TUSC3: variants seen among roughly 807,000 people sequenced by gnomAD.
The protein encoded by TUSC3 is tumor suppressor candidate 3, also known as dolichyl-diphosphooligosaccharide--protein glycosyltransferase subunit TUSC3.
In TUSC3, 45 loss-of-function variants were observed where a neutral mutation model predicts 44.8. The ratio of observed to expected loss-of-function variants is 1.00; its 90% CI spans 0.79 to 1.29. The LOEUF is 1.29. Among genes scored for constraint, TUSC3 ranks in the 50% most tolerant of loss-of-function variants. The pLI is 0.00. For missense variants in TUSC3, 519 were observed against 437.9 expected, an observed-to-expected ratio of 1.19 and a Z score of -1.65; for synonymous variants, 212 against 152.9, an observed-to-expected ratio of 1.39 and a Z score of -2.85.
At chr8:15,648,581 C>G (rs34501727) in intron 2 of TUSC3, among the ~76,000 whole-genome samples, 1 of 151,654 alleles carries the variant, frequency 6.6e-6, no homozygotes, top group East Asian at 1.9e-4. Context: ...AAAAAATTAT[C>G]TGGGCGAGGT....
At chr8:15,459,799 T>A (rs956914895) in intron 1 of TUSC3, among the ~76,000 whole-genome samples, 3 of 152,110 alleles carry the variant, frequency 2.0e-5, no homozygotes, top group African/African-American at 4.8e-5. Context: ...GTGCCATTAA[T>A]TCATTCCCTT....
intron 6 of TUSC3, among the ~76,000 whole-genome samples, chr8:15,698,970 C>T (rs1809284565): frequency 1.3e-5 from 2 of 151,916 alleles, no homozygotes. Flanking sequence ...CCTCAGCCTC[C>T]TTAGTAGCTG....
At chr8:15,540,161 G>C (rs1479546874), upstream of TUSC3, 1 of 420,430 alleles carries the variant, frequency 2.4e-6, no homozygotes, top group Non-Finnish European at 4.1e-6. Flanking sequence ...CCGGGCGGGA[G>C]CGCACGCCGC....
At chr8:15,440,650 C>G (rs1382007791) in intron 1 of TUSC3, among the ~76,000 whole-genome samples, 2 of 152,092 alleles carry the variant, frequency 1.3e-5, no homozygotes, top group East Asian at 3.9e-4. Flanking sequence ...CATTTTTCCT[C>G]TATTTTAAAC....
chr8:15,647,128 T>C (rs2129174157), intron 2 of TUSC3, among the ~76,000 whole-genome samples: 1 of 152,256 alleles, frequency 6.6e-6, no homozygotes, highest in East Asian at 1.9e-4. Flanking sequence ...ACTGTAACCA[T>C]AATTATTACA....
chr8:15,578,605 G>T (rs1243742231), intron 1 of TUSC3, among the ~76,000 whole-genome samples: 3 of 148,764 alleles, frequency 2.0e-5, no homozygotes, highest in Non-Finnish European at 4.5e-5. Context: ...CTGTTTATAT[G>T]CTGGATTACA....
At chr8:15,839,122 T>C in the TUSC3 span, among the ~76,000 whole-genome samples, 1 of 152,156 alleles carries the variant, frequency 6.6e-6, no homozygotes, top group Non-Finnish European at 1.5e-5. Flanking sequence ...TTGAAGCAAT[T>C]GTGAATGGGA....
intron 2 of TUSC3, among the ~76,000 whole-genome samples, chr8:15,640,093 A>C (rs1806296178): frequency 6.6e-6 from 1 of 152,110 alleles, no homozygotes; most frequent in African/African-American, 2.4e-5. Flanking sequence ...AGGGTGGTTC[A>C]CTGTCCCTGA....
At chr8:15,688,740 A>T (rs1379925750) in intron 6 of TUSC3, among the ~76,000 whole-genome samples, 1 of 152,088 alleles carries the variant, frequency 6.6e-6, no homozygotes, top group Non-Finnish European at 1.5e-5. Flanking sequence ...TCCTCTCTGT[A>T]TGCCAGGGAG....
chr8:15,548,793 C>T (rs953001884), intron 1 of TUSC3, among the ~76,000 whole-genome samples: 1 of 151,834 alleles, frequency 6.6e-6, no homozygotes, highest in Non-Finnish European at 1.5e-5. Context: ...AATTCTCCTT[C>T]TACCCTATGT....
At chr8:15,429,925 A>C (rs1410968202) in intron 1 of TUSC3, among the ~76,000 whole-genome samples, 2 of 151,704 alleles carry the variant, frequency 1.3e-5, no homozygotes, top group African/African-American at 4.9e-5. Flanking sequence ...CCCAAGACTA[A>C]ACCAGGAAGA....
intron 1 of TUSC3, among the ~76,000 whole-genome samples, chr8:15,481,909 T>C (rs1404801785): frequency 6.6e-6 from 1 of 152,188 alleles, no homozygotes; most frequent in Non-Finnish European, 1.5e-5. Context: ...TTTGCTCCAT[T>C]GATTGACTCT....
At chr8:15,518,192 T>C (rs1801248038) in intron 2 of TUSC3, among the ~76,000 whole-genome samples, 1 of 152,164 alleles carries the variant, frequency 6.6e-6, no homozygotes, top group Non-Finnish European at 1.5e-5. Flanking sequence ...GAAATCCTCC[T>C]TTCTAGTTTT....
intron 1 of TUSC3, among the ~76,000 whole-genome samples, chr8:15,608,045 A>G (rs1804609739): frequency 6.6e-6 from 1 of 152,198 alleles, no homozygotes; most frequent in Non-Finnish European, 1.5e-5. Context: ...GAATGTCTAT[A>G]ACAATAAATG....
At chr8:15,474,732 A>G (rs1167657161) in intron 1 of TUSC3, among the ~76,000 whole-genome samples, 1 of 152,228 alleles carries the variant, frequency 6.6e-6, no homozygotes. Flanking sequence ...GTCCAAAGAA[A>G]TAAAAGAATA....
intron 1 of TUSC3, among the ~76,000 whole-genome samples, chr8:15,570,726 G>A (rs1802840112): frequency 6.6e-6 from 1 of 151,838 alleles, no homozygotes. Flanking sequence ...CTGGAATCAT[G>A]CAACTTGTAA....
Position 15,540,479 on chromosome 8 carries a change from C to T in TUSC3, c.49C>T (p.Leu17=). Reference sequence around the variant, plus strand: ...ACGCCGTAGGCAAGCGGGGCGGCGGCTGCGGTACCTGCCCACCGGGAGCTT... The same window carrying T: ...ACGCCGTAGGCAAGCGGGGCGGCGGTTGCGGTACCTGCCCACCGGGAGCTT... The part of the protein sequence containing the change: ...PSRRRQAGRR[L]RYLPTGSFPF... The change falls in exon 1 of 11, where the codon CTG becomes TTG. Residue 17 remains leucine (L), a synonymous_variant. Transcript: ENST00000503731. The T allele has an allele frequency of 6.2e-7, 1 of 1,607,962 alleles. No individual in the cohort carries two copies. Among genetic ancestry groups the T allele is most frequent in the Non-Finnish European group, 8.5e-7 (1 of 1,177,942 alleles).
intron 1 of TUSC3, among the ~76,000 whole-genome samples, chr8:15,418,589 A>C (rs953571603): frequency 2.6e-5 from 4 of 152,254 alleles, no homozygotes; most frequent in Admixed American, 6.5e-5. Flanking sequence ...AATCGGCAGC[A>C]AAAGACAAGG....
At chr8:15,807,021 A>G in the TUSC3 span, 2 of 1,434,080 alleles carry the variant, frequency 1.4e-6, no homozygotes. Flanking sequence ...GTGCTCCTGC[A>G]GACCCTGTAA....
Sources: allele counts gnomAD v4.1 joint callset (sites outside exome capture counted in the v4.1 genomes callset), GRCh38; gene constraint gnomAD v4.1.1; transcripts MANE v1.5; gene names NCBI Gene and HGNC (gene_info 2026-07-23, HGNC 2026-07-21).